The following LAMA5 variants were observed in gnomAD, a reference collection of about 807,000 sequenced individuals.
LAMA5 encodes laminin subunit alpha 5.
A neutral mutation model predicts 433.4 loss-of-function variants in LAMA5; 260 were observed. The ratio of observed to expected loss-of-function variants is 0.60; its 90% CI spans 0.54 to 0.66. The LOEUF is 0.66. Among genes scored for constraint, LAMA5 ranks in the 30% least tolerant of loss-of-function variants. The pLI is 0.00. For missense variants in LAMA5, 5,378 were observed against 5,258.5 expected (o/e 1.02, Z -0.70); for synonymous variants, 2,620 against 2,226.6 (o/e 1.18, Z -4.97).
intron 6 of LAMA5, among the ~76,000 whole-genome samples, chr20:62,348,526 G>A (rs6062231): frequency 1.3e-5 from 2 of 152,212 alleles, no homozygotes; most frequent in African/African-American, 4.8e-5. Context: ...AGAATGGCAC[G>A]AACCTGGGAG....
chr20:62,364,231 C>G (rs560243731), intron 1 of LAMA5, among the ~76,000 whole-genome samples: 1 of 152,222 alleles, frequency 6.6e-6, no homozygotes, highest in African/African-American at 2.4e-5. Context: ...GACAGCACGG[C>G]GCACACAGGT....
In LAMA5 at chr20:62,324,124, G is replaced by A. The variant is rs142712051; in HGVS notation, c.5724C>T (p.Ala1908=). 195 of 1,534,904 alleles carry A rather than the reference G, an allele frequency of 1.3e-4. 1 individual carries two copies. The African/African-American group carries it at 2.4e-3, about 19-fold the overall frequency. The change falls in exon 43 of 80, where the codon GCC becomes GCT. Residue 1908 remains alanine, a synonymous_variant. Coordinates refer to ENST00000252999, the MANE Select transcript of LAMA5 (RefSeq NM_005560.6). This position sits in a 1 kb window ranked among gnomAD's most constrained non-coding sequence, Gnocchi z 4.4. ...GGGGGCAGGGGCAGCTGACACAGGGGGCGCTGGGGTCGTCCCTGCTGCTCA... is the reference window on the plus strand; with the variant it reads ...GGGGGCAGGGGCAGCTGACACAGGGAGCGCTGGGGTCGTCCCTGCTGCTCA... The part of the protein sequence containing the change: ...GFVSSRDDPS[A]PCVSCPCPLS...
intron 11 of LAMA5, among the ~76,000 whole-genome samples, chr20:62,340,861 C>T (rs1982481986): frequency 6.6e-6 from 1 of 151,344 alleles, no homozygotes; most frequent in Non-Finnish European, 1.5e-5. Context: ...ATGGTAAAAC[C>T]CCATCTCTAC....
At position 62,330,737 on chromosome 20, in the gene LAMA5, C is replaced by T. The variant is rs1181792295; in HGVS notation, c.3852+6G>A. ...CCCCCGTCCCTCTAGAGACTATGGC[C>T]CTCACCTGGGGCTCACGCAGCAGGG... On this transcript the variant is annotated splice_donor_region_variant and intron_variant, in intron 30 of 79. Transcript: ENST00000252999. The T allele has an allele frequency of 1.7e-5, 27 of 1,558,262 alleles. No homozygotes were observed. Among genetic ancestry groups the T allele is most frequent in the Non-Finnish European group, 2.3e-5 (27 of 1,151,722 alleles).
chr20:62,346,876 G>A (rs368793610), intron 7 of LAMA5, 37 bp downstream of exon 7: 9 of 1,608,902 alleles, frequency 5.6e-6, no homozygotes, highest in South Asian at 1.1e-5. Flanking sequence ...GGGCCAGGGT[G>A]TGGGCAGGAC....
chr20:62,322,762 C>A lies in LAMA5; in HGVS notation c.6065-4G>T. ...CCACATGGGGTACAGTCGCACCCTG[C>A]AGAAGGGGTCCGTGACTGCAGCCCT... On this transcript the variant is annotated splice_polypyrimidine_tract_variant and splice_region_variant and intron_variant, in intron 45 of 79. Coordinates refer to ENST00000252999, the MANE Select transcript of LAMA5 (RefSeq NM_005560.6). The A allele has an allele frequency of 6.8e-7, 1 of 1,478,042 alleles. No homozygotes were observed. Among genetic ancestry groups the A allele is most frequent in the Admixed American group, 2.3e-5 (1 of 42,902 alleles). 91.6% of individuals were successfully genotyped at this position (1,478,042 alleles called of 1,614,324 possible).
chr20:62,312,998 A>C lies in LAMA5; in HGVS notation c.8968T>G (p.Cys2990Gly). ...FFLKQQSQFL[C>G]LAVQEGSLVL... ...AGGCTGCCTTCTTGCACGGCCAAGC[A>C]CAGGAACTGGCTCTGCAGAAACAGG... Residue 2990 changes from cysteine to glycine, a missense_variant, in exon 66 of 80, where the codon TGC becomes GGC. Transcript: ENST00000252999. The C allele has an allele frequency of 6.3e-7, 1 of 1,582,452 alleles. No homozygotes were observed. Among genetic ancestry groups the C allele is most frequent in the Non-Finnish European group, 8.6e-7 (1 of 1,162,050 alleles).
At position 62,314,702 on chromosome 20, in the gene LAMA5, G is replaced by A. The variant is rs748464844; in HGVS notation, c.8220C>T (p.Asn2740=). The A allele has an allele frequency of 3.1e-6, 5 of 1,612,654 alleles. No individual in the cohort carries two copies. Among genetic ancestry groups the A allele is most frequent in the Non-Finnish European group, 3.4e-6 (4 of 1,179,838 alleles). ...TGCGCAGCTGCACCCCTGAGCGCCC[G>A]TTGAACTTCATGGGCACCTTGACCT... ...ASKVKVPMKF[N]GRSGVQLRTP... The change falls in exon 61 of 80, where the codon AAC becomes AAT. Residue 2740 remains asparagine (N), a synonymous_variant. Coordinates refer to ENST00000252999, the MANE Select transcript of LAMA5 (RefSeq NM_005560.6).
rs1433421269 is a variant in LAMA5, at chr20:62,317,486, A to G, written c.7370T>C (p.Leu2457Pro). 1.3e-6 allele frequency: 2 copies of G among 1,547,172 alleles called. No individual in the cohort carries two copies. Among genetic ancestry groups the G allele is most frequent in the Admixed American group, 3.8e-5 (2 of 52,424 alleles). ...CCGAGCCCCATCCAGGCTGGCGGCG[A>G]GGCGCTCCAGCTCCTGGAATTTGAG... ...LDQAKEELER[L>P]AASLDGARTP... The change falls in exon 55 of 80, where the codon CTC becomes CCC. Residue 2457 changes from leucine to proline, a missense_variant. Leu to Pro is a moderately conservative substitution (Grantham distance 98). Coordinates refer to ENST00000252999, the MANE Select transcript of LAMA5 (RefSeq NM_005560.6).
intron 70 of LAMA5, 32 bp from the exon 71 acceptor site, chr20:62,311,816 T>TGGGGGCCCCC: frequency 2.0e-6 from 3 of 1,521,002 alleles, no homozygotes; most frequent in Non-Finnish European, 2.7e-6. Context: ...GCTCGGTTTT[T>TGGGGGCCCCC]CCCCACCCTG....
At chr20:62,329,738 G>A (rs577487687) in intron 32 of LAMA5, 39 bp downstream of exon 32, 24 of 1,608,858 alleles carry the variant, frequency 1.5e-5, no homozygotes, top group Non-Finnish European at 1.9e-5. Context: ...CAAGTATAAG[G>A]ACAGCTGGTC....
At chr20:62,341,271 A>C (rs968060219) in intron 11 of LAMA5, among the ~76,000 whole-genome samples, 2 of 151,878 alleles carry the variant, frequency 1.3e-5, no homozygotes, top group African/African-American at 4.8e-5. Flanking sequence ...AGAAAATAAA[A>C]CCCCAAATGA....
chr20:62,318,305 AAGAAGAGGAGGAGGGGGG>A, intron 53 of LAMA5, 131 bp downstream of exon 53: 1 of 186,806 alleles, frequency 5.4e-6, no homozygotes, highest in Non-Finnish European at 9.0e-6. Context: ...GGAGGGGGGG[AAGAAGAGGAGGAGGGGGG>A]GAGGACGAGG....
intron 2 of LAMA5, among the ~76,000 whole-genome samples, chr20:62,357,846 G>A (rs1202953552): frequency 2.6e-5 from 4 of 152,204 alleles, no homozygotes; most frequent in Non-Finnish European, 5.9e-5. Context: ...CCTCAACAGA[G>A]CTGGGCCTGG....
In LAMA5 at chr20:62,311,150, G is replaced by A. The variant is rs41302565; in HGVS notation, c.10088+12C>T. On this transcript the variant is annotated intron_variant, in intron 73 of 79. Transcript: ENST00000252999. ...GCCCCTCTCAGCCCACCCCAGCCGG[G>A]CCTGGCCTTACCAGTTCCTATGTCG... 20 of 1,579,050 alleles carry A rather than the reference G, an allele frequency of 1.3e-5. No individual in the cohort carries two copies. The highest frequency in any genetic ancestry group is 1.8e-5 in the Admixed American group (1 of 55,214).
intron 11 of LAMA5, among the ~76,000 whole-genome samples, chr20:62,345,121 G>C (rs1246241869): frequency 6.6e-6 from 1 of 151,524 alleles, no homozygotes. Context: ...GGGTTCAAGC[G>C]ATTTTCCTGC....
intron 57 of LAMA5, chr20:62,316,398 G>C (rs1186254004): frequency 1.9e-6 from 1 of 534,572 alleles, no homozygotes; most frequent in Non-Finnish European, 3.3e-6. Flanking sequence ...GCAGAGCAGA[G>C]GCCACGTATC....
chr20:62,323,344 TG>T, intron 45 of LAMA5, 111 bp downstream of exon 45: 1 of 909,744 alleles, frequency 1.1e-6, no homozygotes, highest in Non-Finnish European at 1.6e-6. Flanking sequence ...CGACTTGTCC[TG>T]GCTGGGCCCC....
At chr20:62,353,748 G>A (rs1984729230) in intron 2 of LAMA5, among the ~76,000 whole-genome samples, 1 of 152,130 alleles carries the variant, frequency 6.6e-6, no homozygotes, top group Non-Finnish European at 1.5e-5. Flanking sequence ...CCCTCTGACA[G>A]GTCAGCAGCT....
Sources: gnomAD v4.1 joint callset for allele counts (sites outside exome capture counted in the v4.1 genomes callset) on GRCh38, gnomAD v4.1.1 for gene constraint, Gnocchi (gnomAD v3.1) non-coding constraint, MANE v1.5 for transcripts, NCBI Gene and HGNC (gene_info 2026-07-23, HGNC 2026-07-21) for gene names.